The following CD34 variants were observed in gnomAD, a reference collection of about 807,000 sequenced individuals.
CD34 encodes CD34 molecule.
In CD34, 34 loss-of-function variants were observed where a neutral mutation model predicts 40.1. The ratio of observed to expected loss-of-function variants is 0.85; its 90% CI spans 0.65 to 1.13. The LOEUF (loss-of-function observed/expected upper bound fraction) is 1.13, where lower values mean the gene tolerates loss of function less well. Ranked by LOEUF, CD34 falls within the 50% of genes most tolerant of loss-of-function variation. The probability of loss-of-function intolerance (pLI) is 0.00; values close to 1 mark genes in which losing one functional copy is unlikely to be tolerated. For missense variants in CD34, 426 were observed against 466.9 expected (o/e 0.91, Z 0.81); for synonymous variants, 209 against 190.0 (o/e 1.10, Z -0.82).
At chr1:207,906,432 A>G (rs1454691642) in intron 1 of CD34, among the ~76,000 whole-genome samples, 1 of 152,160 alleles carries the variant, frequency 6.6e-6, no homozygotes, top group Non-Finnish European at 1.5e-5. Context: ...GACTAGAACA[A>G]GGGACTGAGC....
intron 4 of CD34, among the ~76,000 whole-genome samples, chr1:207,895,770 A>ATTTT (rs1662138151): frequency 6.6e-6 from 1 of 152,162 alleles, no homozygotes; most frequent in Non-Finnish European, 1.5e-5. Context: ...ACACAGCAAA[A>ATTTT]TGTATGCTCC....
At chr1:207,907,236 TA>T (rs985620416) in intron 1 of CD34, among the ~76,000 whole-genome samples, 42 of 151,824 alleles carry the variant, frequency 2.8e-4, no homozygotes, top group African/African-American at 5.1e-4. Context: ...AGCCATGTAT[TA>T]AAAAAAAATT....
chr1:207,906,592 C>A (rs1662386838), intron 1 of CD34, among the ~76,000 whole-genome samples: 1 of 152,116 alleles, frequency 6.6e-6, no homozygotes, highest in African/African-American at 2.4e-5. Context: ...CGCCTGTAAT[C>A]CCAACATTTT....
At chr1:207,894,784 C>T (rs977595875) in intron 4 of CD34, among the ~76,000 whole-genome samples, 1 of 152,046 alleles carries the variant, frequency 6.6e-6, no homozygotes, top group Non-Finnish European at 1.5e-5. Flanking sequence ...CTTCCCTTCC[C>T]CTGGCTGCCT....
At chr1:207,899,319 G>C (rs1662222145) in intron 2 of CD34, 93 bp from the exon 3 acceptor site, 1 of 1,356,098 alleles carries the variant, frequency 7.4e-7, no homozygotes, top group Non-Finnish European at 1.0e-6. Flanking sequence ...CTTCAACACA[G>C]AAAAGGGAGT....
chr1:207,910,960 C>A, intron 1 of CD34, 42 bp downstream of exon 1: 1 of 1,539,366 alleles, frequency 6.5e-7, no homozygotes, highest in South Asian at 1.2e-5. Flanking sequence ...CCACCCTCCC[C>A]GCGGCGAAGC....
intron 1 of CD34, among the ~76,000 whole-genome samples, chr1:207,902,110 C>T (rs1662283195): frequency 6.6e-6 from 1 of 152,210 alleles, no homozygotes; most frequent in South Asian, 2.1e-4. Flanking sequence ...AAGCAGATTG[C>T]TATTAATGGT....
chr1:207,899,553 A>C (rs1571774952), intron 2 of CD34, among the ~76,000 whole-genome samples: 2 of 152,254 alleles, frequency 1.3e-5, no homozygotes. Context: ...TTATTTTATC[A>C]CTAAGCTAGA....
chr1:207,906,014 G>A (rs953349588), intron 1 of CD34, among the ~76,000 whole-genome samples: 1 of 152,186 alleles, frequency 6.6e-6, no homozygotes, highest in African/African-American at 2.4e-5. Context: ...TTTCTGCAGT[G>A]CCAGTGATGT....
chr1:207,881,853 TAATA>T lies in CD34; in HGVS notation c.*5881_*5884del, dbSNP rs1465152871. ...TAATTATTGTTATTTTTAAACAAATTAATAAATAAAATTTTCTCAATTTTAATTT... is the reference window on the plus strand; with the variant it reads ...TAATTATTGTTATTTTTAAACAAATTAATAAAATTTTCTCAATTTTAATTT... On this transcript the variant is annotated 3_prime_UTR_variant, in exon 8 of 8. Transcript: ENST00000310833. The T allele has an allele frequency of 3.9e-5, 6 of 152,184 alleles. No individual in the cohort carries two copies. The highest frequency in any genetic ancestry group is 9.7e-5 in the African/African-American group (4 of 41,446). The allele number at this position is 152,184 out of a possible 1,614,324, so 9.4% of individuals were successfully genotyped here.
chr1:207,896,838 C>A (rs1476072019), intron 4 of CD34, among the ~76,000 whole-genome samples: 1 of 151,650 alleles, frequency 6.6e-6, no homozygotes, highest in African/African-American at 2.4e-5. Context: ...TAAAAACATA[C>A]AATAATTTTG....
At chr1:207,899,742 G>T in intron 2 of CD34, 79 bp downstream of exon 2, 1 of 1,272,936 alleles carries the variant, frequency 7.9e-7, no homozygotes, top group Non-Finnish European at 1.1e-6. Context: ...GGAGAGGGGA[G>T]CGGTCTGAAA....
Position 207,882,709 on chromosome 1 carries a change from C to T in CD34, c.*5029G>A, listed in dbSNP as rs540388361. 6.6e-6 allele frequency: 1 copy of T among 152,320 alleles called. No individual in the cohort carries two copies. Among genetic ancestry groups the T allele is most frequent in the African/African-American group, 2.4e-5 (1 of 41,560 alleles). 9.4% of individuals were successfully genotyped at this position (152,320 alleles called of 1,614,324 possible). On this transcript the variant is annotated 3_prime_UTR_variant, in exon 8 of 8. Transcript: ENST00000310833. ...AAAAGAATCACTCACATTTCTGGAACAATCACCCTCACTTTGCTCCTGGGA... is the reference window on the plus strand; with the variant it reads ...AAAAGAATCACTCACATTTCTGGAATAATCACCCTCACTTTGCTCCTGGGA...
In CD34 at chr1:207,889,484, C is replaced by T; in HGVS notation, c.735G>A (p.Leu245=). Residue 245 remains leucine, a synonymous_variant, in exon 5 of 8, where the codon CTG becomes CTA. Coordinates refer to ENST00000310833, the MANE Select transcript of CD34 (RefSeq NM_001025109.2). Reference sequence around the variant, plus strand: ...CCTTACCTGTTCTGTTGGCCAAGACCAGCAGTAGACACTGAGGCCTCACCT... The same window carrying T: ...CCTTACCTGTTCTGTTGGCCAAGACTAGCAGTAGACACTGAGGCCTCACCT... ...QSEVRPQCLL[L]VLANRTEISS... is the part of the protein sequence containing the mutation. 6.2e-7 allele frequency: 1 copy of T among 1,613,154 alleles called. No individual in the cohort carries two copies. Among genetic ancestry groups the T allele is most frequent in the African/African-American group, 1.3e-5 (1 of 75,014 alleles).
intron 1 of CD34, among the ~76,000 whole-genome samples, chr1:207,908,625 C>A (rs1490210750): frequency 6.6e-6 from 1 of 152,244 alleles, no homozygotes; most frequent in South Asian, 2.1e-4. Flanking sequence ...TAGGGACAGG[C>A]CTTGGAAAGC....
intron 4 of CD34, 81 bp from the exon 5 acceptor site, chr1:207,889,702 G>A: frequency 6.2e-7 from 1 of 1,606,380 alleles, no homozygotes; most frequent in Non-Finnish European, 8.5e-7. Flanking sequence ...TCTGATTACA[G>A]TCATACTCTT....
At chr1:207,901,297 G>A (rs1662267581) in intron 1 of CD34, among the ~76,000 whole-genome samples, 1 of 152,210 alleles carries the variant, frequency 6.6e-6, no homozygotes. Flanking sequence ...TCATACTGTG[G>A]GGACCAGAAG....
chr1:207,889,088 A>C lies in CD34; in HGVS notation c.807+73T>G, dbSNP rs924484784. 6.1e-6 allele frequency: 6 copies of C among 989,054 alleles called. No homozygotes were observed. In the African/African-American group the frequency reaches 6.4e-5, roughly 11 times the overall value. The allele number at this position is 989,054 out of a possible 1,614,324, so 61.3% of individuals were successfully genotyped here. A position where few individuals can be genotyped will look rare whatever the true frequency, so the allele number is the denominator to read the frequency against. On this transcript the variant is annotated intron_variant, in intron 6 of 7. Coordinates refer to ENST00000310833, the MANE Select transcript of CD34 (RefSeq NM_001025109.2). ...GTAGGTAGAACTGGGGAAGATAATG[A>C]CTTCCCCCCTTACTCCAGGGAGCCC...
intron 3 of CD34, among the ~76,000 whole-genome samples, 193 bp from the exon 4 acceptor site, chr1:207,897,766 A>G (rs1326183358): frequency 2.6e-5 from 4 of 152,240 alleles, no homozygotes. Flanking sequence ...TTTCATATCT[A>G]TCCTCATCAG....
Sources: gnomAD v4.1 joint callset for allele counts (sites outside exome capture counted in the v4.1 genomes callset) on GRCh38, gnomAD v4.1.1 for gene constraint, MANE v1.5 for transcripts, NCBI Gene and HGNC (gene_info 2026-07-23, HGNC 2026-07-21) for gene names.